C5AR2: variants seen among roughly 807,000 people sequenced by gnomAD.
C5AR2 encodes the protein C5a anaphylatoxin chemotactic receptor 2.
For synonymous variants in C5AR2, 224 were observed against 216.5 expected, an observed-to-expected ratio of 1.03 and a Z score of -0.30; for missense variants, 458 against 467.5, an observed-to-expected ratio of 0.98 and a Z score of 0.19.
chr19:47,345,798 C>T lies in C5AR2; in HGVS notation c.*3985C>T, dbSNP rs1487824572. On this transcript the variant is annotated 3_prime_UTR_variant, in exon 2 of 2. Coordinates refer to ENST00000595464, the MANE Select transcript of C5AR2 (RefSeq NM_001271749.2). ...CTCCTTTGAGGTAGGAGGCAGGACT[C>T]AACTCTGGAGATGGGGCTCGGCTCG... 1 of 152,142 alleles carries T rather than the reference C, an allele frequency of 6.6e-6. No individual in the cohort carries two copies. The highest frequency in any genetic ancestry group is 2.4e-5 in the African/African-American group (1 of 41,420). 9.4% of individuals were successfully genotyped at this position (152,142 alleles called of 1,614,324 possible).
chr19:47,345,909 A>G lies in C5AR2; in HGVS notation c.*4096A>G, dbSNP rs1214954302. On this transcript the variant is annotated 3_prime_UTR_variant, in exon 2 of 2. Coordinates refer to ENST00000595464, the MANE Select transcript of C5AR2 (RefSeq NM_001271749.2). Reference sequence around the variant, plus strand: ...TTTATTTATTTTTATTTTTTGGAGAAGGAGTCTTGCTCTGTTACCCAGGCT... The same window carrying G: ...TTTATTTATTTTTATTTTTTGGAGAGGGAGTCTTGCTCTGTTACCCAGGCT... The G allele has an allele frequency of 3.3e-5, 5 of 151,516 alleles. No homozygotes were observed. The highest frequency in any genetic ancestry group is 7.4e-5 in the Non-Finnish European group (5 of 67,830). 9.4% of individuals were successfully genotyped at this position (151,516 alleles called of 1,614,324 possible). A position where few individuals can be genotyped will look rare whatever the true frequency, so the allele number is the denominator to read the frequency against.
chr19:47,341,336 C>A lies in C5AR2; in HGVS notation c.537C>A (p.His179Gln). Residue 179 changes from histidine to glutamine, a missense_variant, in exon 2 of 2, where the codon CAC becomes CAA. By Grantham distance (24) the His-to-Gln change is conservative. Transcript: ENST00000595464. The surrounding 1 kb of genome is among the most constrained non-coding windows in gnomAD (Gnocchi z 4.6). Reference protein sequence around the residue: ...SAIYRRLHQEHFPARLQCVVD... With the variant: ...SAIYRRLHQEQFPARLQCVVD... ...TCTACCGCCGGCTGCACCAGGAGCA[C>A]TTCCCAGCCCGGCTGCAGTGTGTGG... 6.2e-7 allele frequency: 1 copy of A among 1,611,888 alleles called. No homozygotes were observed. The highest frequency in any genetic ancestry group is 8.5e-7 in the Non-Finnish European group (1 of 1,179,890).
chr19:47,339,791 A>G (rs1568669787), intron 1 of C5AR2, among the ~76,000 whole-genome samples: 1 of 151,892 alleles, frequency 6.6e-6, no homozygotes, highest in Non-Finnish European at 1.5e-5. Context: ...CATCTCTCCC[A>G]CTGTTCCTTC....
rs1167913832 is a variant in C5AR2 at position 47,340,814 on chromosome 19, T to C, written c.15T>C (p.Ser5=). The change falls in exon 2 of 2, where the codon TCT becomes TCC. Residue 5 remains serine, a synonymous_variant. Coordinates refer to ENST00000595464, the MANE Select transcript of C5AR2 (RefSeq NM_001271749.2). Reference sequence around the variant, plus strand: ...CAGGAGCCTGAATGGGGAACGATTCTGTCAGCTACGAGTATGGGGATTACA... The same window carrying C: ...CAGGAGCCTGAATGGGGAACGATTCCGTCAGCTACGAGTATGGGGATTACA... MGND[S]VSYEYGDYSD... is the part of the protein sequence containing the mutation. 3.7e-6 allele frequency: 6 copies of C among 1,613,492 alleles called. No homozygotes were observed.
chr19:47,340,719 AC>A (rs1968998587), intron 1 of C5AR2, 65 bp from the exon 2 acceptor site: 2 of 1,466,682 alleles, frequency 1.4e-6, no homozygotes, highest in African/African-American at 1.4e-5. Context: ...GCTGATGGAC[AC>A]CCTAGATCTC....
At chr19:47,338,554 G>T (rs1469013234) in intron 1 of C5AR2, among the ~76,000 whole-genome samples, 1 of 149,428 alleles carries the variant, frequency 6.7e-6, no homozygotes, top group Non-Finnish European at 1.5e-5. Context: ...TGGCAATCAT[G>T]CCTGTAATCC....
chr19:47,335,788 AAAAAAAAAAAAAAAG>A lies in C5AR2; in HGVS notation c.-16+3443_-16+3457del, dbSNP rs1433224405. 2.3e-3 allele frequency among the ~76,000 whole-genome samples: 327 copies of A among 140,300 alleles called. 13 individuals are homozygous for A. The highest frequency in any genetic ancestry group is 7.9e-3 in the African/African-American group (292 of 37,018). The allele number at this position is 140,300 out of a possible 152,430, so 92.0% of individuals were successfully genotyped here. On this transcript the variant is annotated intron_variant, in intron 1 of 1. Transcript: ENST00000595464. ...CTCCGTCTCAAAAAAAAAAAAAAAA[AAAAAAAAAAAAAAAG>A]AAAGTTTTCGTTTTCTGGATTGTAA...
intron 1 of C5AR2, among the ~76,000 whole-genome samples, chr19:47,334,265 G>A (rs1167437110): frequency 1.3e-5 from 2 of 151,966 alleles, no homozygotes; most frequent in East Asian, 1.9e-4. Context: ...TAATAAGAAG[G>A]GTACCTATGA....
intron 1 of C5AR2, among the ~76,000 whole-genome samples, chr19:47,333,286 T>A (rs2059346153): frequency 6.6e-6 from 1 of 152,192 alleles, no homozygotes; most frequent in South Asian, 2.1e-4. Flanking sequence ...ATTACAGGCG[T>A]GAATCACCGT....
rs1237567490 is a variant in C5AR2 at position 47,332,191 on chromosome 19, A to G, written c.-174A>G. The G allele has an allele frequency of 6.6e-6, 1 of 152,300 alleles. No homozygotes were observed. The allele number at this position is 152,300 out of a possible 1,614,324, so 9.4% of individuals were successfully genotyped here. A position where few individuals can be genotyped will look rare whatever the true frequency, so the allele number is the denominator to read the frequency against. ...TGGTGAGGTGGCAGTGCTCAGCAGC[A>G]TCCGACAGGAGCCCTGGCAAACAGG... is the stretch of plus-strand genomic sequence containing the variant. On this transcript the variant is annotated 5_prime_UTR_variant, in exon 1 of 2. Coordinates refer to ENST00000595464, the MANE Select transcript of C5AR2 (RefSeq NM_001271749.2).
At chr19:47,337,999 C>T (rs2059364933) in intron 1 of C5AR2, among the ~76,000 whole-genome samples, 1 of 151,720 alleles carries the variant, frequency 6.6e-6, no homozygotes, top group Admixed American at 6.6e-5. Context: ...TGCTTGAACC[C>T]AGGAAGCAGA....
intron 1 of C5AR2, among the ~76,000 whole-genome samples, chr19:47,335,690 C>T (rs553896799): frequency 5.0e-5 from 7 of 139,674 alleles, no homozygotes; most frequent in Middle Eastern, 3.8e-3. Context: ...GAGAATCATG[C>T]GAACCCGGGA....
Position 47,342,932 on chromosome 19 carries a change from C to T in C5AR2, c.*1119C>T, listed in dbSNP as rs1391974912. 6.6e-6 allele frequency: 1 copy of T among 152,248 alleles called. No homozygotes were observed. The highest frequency in any genetic ancestry group is 1.9e-4 in the East Asian group (1 of 5,200). The allele number at this position is 152,248 out of a possible 1,614,324, so 9.4% of individuals were successfully genotyped here. A position where few individuals can be genotyped will look rare whatever the true frequency, so the allele number is the denominator to read the frequency against. ...ACCACTGGACACACTTACTCTCTAGCTTCTCAGACCCTGTAGCAATCAGAA... is the reference window on the plus strand; with the variant it reads ...ACCACTGGACACACTTACTCTCTAGTTTCTCAGACCCTGTAGCAATCAGAA... On this transcript the variant is annotated 3_prime_UTR_variant, in exon 2 of 2. Coordinates refer to ENST00000595464, the MANE Select transcript of C5AR2 (RefSeq NM_001271749.2).
Position 47,344,061 on chromosome 19 carries a change from G to A in C5AR2, c.*2248G>A, listed in dbSNP as rs1406486153. The A allele has an allele frequency of 6.6e-6, 1 of 152,110 alleles. No individual in the cohort carries two copies. Among genetic ancestry groups the A allele is most frequent in the East Asian group, 1.9e-4 (1 of 5,180 alleles). The allele number at this position is 152,110 out of a possible 1,614,324, so 9.4% of individuals were successfully genotyped here. On this transcript the variant is annotated 3_prime_UTR_variant, in exon 2 of 2. Transcript: ENST00000595464. ...TCAGATCTTTTAAATTACATGGTAG[G>A]CCAGGCATGGTGGCTCACGCCTGTG...
rs1215479839 is a variant in C5AR2 at position 47,343,989 on chromosome 19, T to C, written c.*2176T>C. ...GAACATTGCCATCATAACAGAGATT[T>C]CTGTTACAAAATGCTGTTCTAGAAT... On this transcript the variant is annotated 3_prime_UTR_variant, in exon 2 of 2. Coordinates refer to ENST00000595464, the MANE Select transcript of C5AR2 (RefSeq NM_001271749.2). 1 of 152,168 alleles carries C rather than the reference T, an allele frequency of 6.6e-6. No homozygotes were observed. Among genetic ancestry groups the C allele is most frequent in the Non-Finnish European group, 1.5e-5 (1 of 68,042 alleles). The allele number at this position is 152,168 out of a possible 1,614,324, so 9.4% of individuals were successfully genotyped here.
chr19:47,339,909 A>G (rs563784318), intron 1 of C5AR2, among the ~76,000 whole-genome samples: 59 of 152,180 alleles, frequency 3.9e-4, no homozygotes, highest in African/African-American at 1.4e-3. Flanking sequence ...AGTATTTATT[A>G]TCTTCTAAAA....
intron 1 of C5AR2, among the ~76,000 whole-genome samples, chr19:47,336,252 G>A (rs1342671727): frequency 1.3e-5 from 2 of 151,846 alleles, no homozygotes; most frequent in Non-Finnish European, 2.9e-5. Flanking sequence ...ACCATGCCTG[G>A]CTGATTTTTG....
Position 47,342,071 on chromosome 19 carries a change from AGG to A in C5AR2, c.*260_*261del. On this transcript the variant is annotated 3_prime_UTR_variant, in exon 2 of 2. Transcript: ENST00000595464. Reference sequence around the variant, plus strand: ...AGACAGACTATAAACAAAGATATATAGGGCCATTTGCGGTGGCTCACGCCTGT... The same window carrying A: ...AGACAGACTATAAACAAAGATATATAGCCATTTGCGGTGGCTCACGCCTGT... The A allele has an allele frequency of 2.2e-6, 1 of 446,922 alleles. No individual in the cohort carries two copies. The highest frequency in any genetic ancestry group is 3.0e-5 in the South Asian group (1 of 33,632). 27.7% of individuals were successfully genotyped at this position (446,922 alleles called of 1,614,324 possible). A position where few individuals can be genotyped will look rare whatever the true frequency, so the allele number is the denominator to read the frequency against.
At chr19:47,333,529 C>T (rs112918902) in intron 1 of C5AR2, among the ~76,000 whole-genome samples, 4 of 149,790 alleles carry the variant, frequency 2.7e-5, no homozygotes, top group East Asian at 1.9e-4. Flanking sequence ...ATTGCTGGGT[C>T]GTGAGGGAGG....
Sources: allele counts gnomAD v4.1 joint callset (sites outside exome capture counted in the v4.1 genomes callset), GRCh38; gene constraint gnomAD v4.1.1; non-coding constraint Gnocchi (gnomAD v3.1); transcripts MANE v1.5; gene names NCBI Gene and HGNC (gene_info 2026-07-23, HGNC 2026-07-21).